The following WWC2 variants were observed in gnomAD, a reference collection of about 807,000 sequenced individuals.
WWC2 encodes WW and C2 domain containing 2, also known as protein WWC2.
Under a neutral mutation model 138.5 loss-of-function variants are expected in WWC2, and 101 were observed. The observed-to-expected ratio is 0.73, with a 90% confidence interval of 0.62 to 0.86. The LOEUF is 0.86. Among genes scored for constraint, WWC2 ranks in the 40% least tolerant of loss-of-function variants. The probability of loss-of-function intolerance (pLI) is 0.00; values close to 1 mark genes in which losing one functional copy is unlikely to be tolerated. For missense variants in WWC2, 1,420 were observed against 1,419.4 expected (o/e 1.00, Z -0.01); for synonymous variants, 558 against 538.4 (o/e 1.04, Z -0.50).
chr4:183,216,808 G>A (rs1735771994), intron 4 of WWC2, among the ~76,000 whole-genome samples: 1 of 152,196 alleles, frequency 6.6e-6, no homozygotes, highest in African/African-American at 2.4e-5. Flanking sequence ...GAGAGCAAGA[G>A]CAGGCAAGTG....
At chr4:183,188,529 C>T (rs1734883024) in intron 1 of WWC2, among the ~76,000 whole-genome samples, 1 of 152,094 alleles carries the variant, frequency 6.6e-6, no homozygotes. Flanking sequence ...TTAGCCACTG[C>T]ACGTGGCCCA....
At position 183,253,929 on chromosome 4, in the gene WWC2, G is replaced by T. The variant is rs150109810; in HGVS notation, c.1126G>T (p.Ala376Ser). ...RTQDELERLE[A>S]ERQRLEEELL... ...CCAAGATGAATTAGAACGCCTAGAA[G>T]CTGAAAGGCAGCGGCTGGAAGAAGA... The change falls in exon 9 of 23, where the codon GCT (alanine) becomes TCT (serine). Residue 376 changes from alanine to serine, a missense_variant. Ala to Ser is a moderately conservative substitution (Grantham distance 99, BLOSUM62 1). Coordinates refer to ENST00000403733, the MANE Select transcript of WWC2 (RefSeq NM_024949.6). 91 of 1,613,900 alleles carry T rather than the reference G, an allele frequency of 5.6e-5. No individual in the cohort carries two copies. The highest frequency in any genetic ancestry group is 8.3e-5 in the Admixed American group (5 of 60,016).
intron 22 of WWC2, among the ~76,000 whole-genome samples, chr4:183,312,731 C>A (rs1220121879): frequency 6.6e-6 from 1 of 152,220 alleles, no homozygotes; most frequent in Non-Finnish European, 1.5e-5. Context: ...ACTGGGCTAT[C>A]TTGACACAGG....
chr4:183,220,886 A>G (rs1030732088), intron 4 of WWC2, among the ~76,000 whole-genome samples: 1 of 152,250 alleles, frequency 6.6e-6, no homozygotes, highest in South Asian at 2.1e-4. Context: ...AGGAGATAAA[A>G]TGGAACCATT....
intron 17 of WWC2, 46 bp from the exon 18 acceptor site, chr4:183,282,662 G>C: frequency 1.9e-6 from 3 of 1,540,750 alleles, no homozygotes; most frequent in Non-Finnish European, 2.6e-6. Flanking sequence ...CGTGTTCATG[G>C]AGCATGCCTG....
chr4:183,259,839 G>T, intron 10 of WWC2, 111 bp downstream of exon 10: 1 of 791,618 alleles, frequency 1.3e-6, no homozygotes, highest in South Asian at 1.7e-5. Flanking sequence ...AATCATTATA[G>T]TAGCACAGTT....
chr4:183,134,473 A>G (rs1475362487), intron 1 of WWC2, among the ~76,000 whole-genome samples: 3 of 152,158 alleles, frequency 2.0e-5, no homozygotes, highest in African/African-American at 7.2e-5. Context: ...ATTTAGTTTT[A>G]CAAAGTTTGT....
At chr4:183,246,821 T>G (rs779749611) in intron 6 of WWC2, among the ~76,000 whole-genome samples, 17 of 152,196 alleles carry the variant, frequency 1.1e-4, no homozygotes, top group Non-Finnish European at 2.2e-4. Context: ...TGTTCCACAA[T>G]TGTCTTGCTG....
At chr4:183,136,051 C>G (rs1460543060) in intron 1 of WWC2, among the ~76,000 whole-genome samples, 1 of 151,420 alleles carries the variant, frequency 6.6e-6, no homozygotes, top group Non-Finnish European at 1.5e-5. Flanking sequence ...CTGTGGTGTT[C>G]CTCAATTTCT....
At chr4:183,131,410 G>A (rs999730597) in intron 1 of WWC2, among the ~76,000 whole-genome samples, 4 of 152,106 alleles carry the variant, frequency 2.6e-5, no homozygotes, top group African/African-American at 9.7e-5. Context: ...AAATACTTCT[G>A]TGGATGATGC....
chr4:183,240,450 C>T (rs1736581340), intron 5 of WWC2, 188 bp downstream of exon 5: 4 of 474,776 alleles, frequency 8.4e-6, no homozygotes, highest in Non-Finnish European at 1.5e-5. Context: ...AAGATCTATG[C>T]ACTTGAAAAG....
At chr4:183,136,927 C>T (rs987636877) in intron 1 of WWC2, among the ~76,000 whole-genome samples, 1 of 152,052 alleles carries the variant, frequency 6.6e-6, no homozygotes, top group South Asian at 2.1e-4. Context: ...GTGCCTATTC[C>T]TCCTAGGTTA....
rs553699035 is a variant in WWC2 at position 183,298,683 on chromosome 4, T to C, written c.3384+9048T>C. Among the ~76,000 whole-genome samples, 292 of 152,346 alleles carry C rather than the reference T, an allele frequency of 1.9e-3. 1 individual carries two copies. Among genetic ancestry groups the C allele is most frequent in the African/African-American group, 6.7e-3 (279 of 41,578 alleles). The stretch of plus-strand genomic sequence containing the variant: ...TTTTTCCCATGCACTAATAGGATTT[T>C]ATATACTCACCTATGAATTAAGAGG... On this transcript the variant is annotated intron_variant, in intron 21 of 22. Transcript: ENST00000403733.
At chr4:183,221,704 T>C (rs7662312) in intron 4 of WWC2, among the ~76,000 whole-genome samples, 11,441 of 152,130 alleles carry the variant, frequency 0.075, 1,451 homozygotes, top group African/African-American at 0.26. Flanking sequence ...TTGAACTAAA[T>C]AAAAGGGAAA....
In WWC2 at chr4:183,268,373, G is replaced by A. The variant is rs557897799; in HGVS notation, c.2208-598G>A. ...TCTTCCTCTGAATTTTACAAAGCAC[G>A]GGACTCTTAAAACAGTTTGTCGTAT... On this transcript the variant is annotated intron_variant, in intron 14 of 22. Coordinates refer to ENST00000403733, the MANE Select transcript of WWC2 (RefSeq NM_024949.6). Among the ~76,000 whole-genome samples the A allele has an allele frequency of 2.2e-4, 34 of 152,286 alleles. No individual in the cohort carries two copies. The South Asian group carries it at 2.9e-3, about 13-fold the overall frequency.
intron 1 of WWC2, among the ~76,000 whole-genome samples, chr4:183,105,171 A>C (rs1355274607): frequency 6.6e-6 from 1 of 152,186 alleles, no homozygotes; most frequent in East Asian, 1.9e-4. Context: ...AGCCTACCAA[A>C]GTGCTGGCAT....
Position 183,189,272 on chromosome 4 carries a change from T to C in WWC2, c.132-4327T>C, listed in dbSNP as rs1248983549. Among the ~76,000 whole-genome samples, 9 of 151,464 alleles carry C rather than the reference T, an allele frequency of 5.9e-5. No homozygotes were observed. The East Asian group carries it at 1.8e-3, about 30-fold the overall frequency. On this transcript the variant is annotated intron_variant, in intron 1 of 22. Transcript: ENST00000403733. ...CAACATGGTGAAACCCCGTCTCTACTAAAAATACAAAAAAATTAGCCAGGC... is the reference window on the plus strand; with the variant it reads ...CAACATGGTGAAACCCCGTCTCTACCAAAAATACAAAAAAATTAGCCAGGC...
intron 2 of WWC2, among the ~76,000 whole-genome samples, chr4:183,200,359 C>G (rs74932137): frequency 0.019 from 2,899 of 152,200 alleles, 91 homozygotes; most frequent in African/African-American, 0.066. Context: ...GAGTACATAT[C>G]TTATAATTAT....
At chr4:183,238,239 G>A (rs1027856571) in intron 4 of WWC2, among the ~76,000 whole-genome samples, 2 of 152,130 alleles carry the variant, frequency 1.3e-5, no homozygotes, top group Admixed American at 1.3e-4. Context: ...CCAAAATCCT[G>A]ATGTGATCTT....
Sources: gnomAD v4.1 joint callset for allele counts (sites outside exome capture counted in the v4.1 genomes callset) on GRCh38, gnomAD v4.1.1 for gene constraint, MANE v1.5 for transcripts, NCBI Gene and HGNC (gene_info 2026-07-23, HGNC 2026-07-21) for gene names.